The following CEP290 variants were observed in gnomAD, a reference collection of about 807,000 sequenced individuals.
The protein encoded by CEP290 is centrosomal protein 290.
In CEP290, 317 loss-of-function variants were observed where a neutral mutation model predicts 344.9. The ratio of observed to expected loss-of-function variants is 0.92; its 90% CI spans 0.84 to 1.01. The LOEUF (loss-of-function observed/expected upper bound fraction) is 1.01. Among genes scored for constraint, CEP290 ranks in the 50% least tolerant of loss-of-function variants. The pLI, the probability that CEP290 is intolerant of heterozygous loss-of-function variation, is 0.00. For synonymous variants in CEP290, 932 were observed against 895.8 expected (o/e 1.04, Z -0.72); for missense variants, 2,754 against 2,761.4 (o/e 1.00, Z 0.06).
Position 88,084,630 on chromosome 12 carries a change from C to A in CEP290, c.4660G>T (p.Glu1554Ter). ...NMQARLNQKE[E>*]VLKKYQRLLE... is the part of the protein sequence containing the mutation. ...AGACGTTGATACTTCTTTAATACTT[C>A]TTCTTTTTGATTTAACCTTGCTTGC... Residue 1554 changes from glutamate (E) to a stop codon, truncating the protein, a stop_gained, in exon 35 of 54, where the codon GAA becomes TAA. Transcript: ENST00000552810. LOFTEE classifies it high-confidence loss of function. The A allele has an allele frequency of 2.5e-6, 4 of 1,613,102 alleles. No homozygotes were observed. Among genetic ancestry groups the A allele is most frequent in the Non-Finnish European group, 3.4e-6 (4 of 1,179,214 alleles).
rs774079070 is a variant in CEP290 at position 88,121,062 on chromosome 12, C to T, written c.1294G>A (p.Ala432Thr). The change falls in exon 14 of 54, where the codon GCT becomes ACT. Residue 432 changes from alanine (A) to threonine (T), a missense_variant. Coordinates refer to ENST00000552810, the MANE Select transcript of CEP290 (RefSeq NM_025114.4). ...EAERTAELAE[A>T]DAREKDKELV... Reference sequence around the variant, plus strand: ...TCTTTATCCTTTTCCCTAGCATCAGCCTCAGCCAGTTCAGCTGTTCTCTCA... The same window carrying T: ...TCTTTATCCTTTTCCCTAGCATCAGTCTCAGCCAGTTCAGCTGTTCTCTCA... 2.5e-6 allele frequency: 4 copies of T among 1,613,588 alleles called. No homozygotes were observed. In the South Asian group the frequency reaches 3.3e-5, roughly 13 times the overall value.
intron 8 of CEP290, 60 bp from the exon 9 acceptor site, chr12:88,130,480 C>A (rs1462307525): frequency 4.4e-6 from 7 of 1,594,982 alleles, no homozygotes; most frequent in Non-Finnish European, 6.0e-6. Flanking sequence ...AAAATCATAT[C>A]CTCTAAATAG....
intron 6 of CEP290, among the ~76,000 whole-genome samples, chr12:88,133,163 C>T (rs755600534): frequency 3.3e-5 from 5 of 151,202 alleles, no homozygotes; most frequent in Non-Finnish European, 5.9e-5. Context: ...GCAACCTCTG[C>T]CTTCTGGGTT....
At chr12:88,127,258 C>A (rs952679910) in intron 11 of CEP290, among the ~76,000 whole-genome samples, 6 of 152,134 alleles carry the variant, frequency 3.9e-5, no homozygotes, top group African/African-American at 1.4e-4. Flanking sequence ...GAGGCCCAGG[C>A]AGGAGGATCA....
intron 43 of CEP290, among the ~76,000 whole-genome samples, chr12:88,068,885 A>G (rs561757164): frequency 6.6e-6 from 1 of 152,294 alleles, no homozygotes; most frequent in Non-Finnish European, 1.5e-5. Context: ...CAAAAAGTAT[A>G]TTTTGATTTA....
intron 18 of CEP290, 63 bp from the exon 19 acceptor site, chr12:88,115,245 T>C (rs541252941): frequency 3.4e-5 from 32 of 946,682 alleles, no homozygotes; most frequent in Middle Eastern, 2.3e-4. Context: ...TCTATAATTT[T>C]CAAGTTAAGA....
At chr12:88,090,462 T>A (rs750622568) in intron 30 of CEP290, among the ~76,000 whole-genome samples, 41 of 152,122 alleles carry the variant, frequency 2.7e-4, no homozygotes, top group Non-Finnish European at 5.3e-4. Context: ...TGAAACCCTG[T>A]CTCTACAAAA....
chr12:88,082,662 C>G (rs943351573), intron 37 of CEP290, among the ~76,000 whole-genome samples: 1 of 151,940 alleles, frequency 6.6e-6, no homozygotes, highest in Non-Finnish European at 1.5e-5. Flanking sequence ...TCACTGCACT[C>G]CAGCCTAGGA....
chr12:88,075,945 C>T (rs2035741022), intron 41 of CEP290, among the ~76,000 whole-genome samples: 1 of 152,008 alleles, frequency 6.6e-6, no homozygotes, highest in African/African-American at 2.4e-5. Flanking sequence ...AGTATTATTC[C>T]CACTTTAAGG....
chr12:88,083,326 A>G (rs898329567), intron 36 of CEP290, 96 bp from the exon 37 acceptor site: 62 of 642,258 alleles, frequency 9.7e-5, no homozygotes, highest in Non-Finnish European at 1.4e-4. Flanking sequence ...TCAAAATATA[A>G]TATCTAATCT....
chr12:88,062,555 T>A, intron 46 of CEP290, 137 bp downstream of exon 46: 1 of 604,288 alleles, frequency 1.7e-6, no homozygotes, highest in Admixed American at 3.0e-5. Flanking sequence ...CTGTTTTATA[T>A]TACAGATGCA....
At chr12:88,058,149 C>T (rs932578540) in intron 49 of CEP290, 1 of 152,184 alleles carries the variant, frequency 6.6e-6, no homozygotes, top group Admixed American at 6.5e-5. Context: ...AGCCTTTTAC[C>T]TACTCATCAC....
intron 41 of CEP290, among the ~76,000 whole-genome samples, chr12:88,074,696 G>T (rs946366453): frequency 1.3e-5 from 2 of 152,120 alleles, no homozygotes; most frequent in Non-Finnish European, 2.9e-5. Flanking sequence ...CTGCCTTTCT[G>T]ACTGTGGGTC....
Position 88,077,695 on chromosome 12 carries a change from AC to A in CEP290, c.5586+1del. 6.7e-7 allele frequency: 1 copy of A among 1,482,256 alleles called. No individual in the cohort carries two copies. 91.8% of individuals were successfully genotyped at this position (1,482,256 alleles called of 1,614,324 possible). On this transcript the variant is annotated splice_donor_variant, in intron 40 of 53. Coordinates refer to ENST00000552810, the MANE Select transcript of CEP290 (RefSeq NM_025114.4). LOFTEE classifies it high-confidence loss of function. ...CATTATCAGAGTTAAATATAAAATT[AC>A]CTGTAATCCACTGGTTAGTCTTTTA...
At chr12:88,052,458 T>C (rs2033633128) in intron 52 of CEP290, among the ~76,000 whole-genome samples, 1 of 152,126 alleles carries the variant, frequency 6.6e-6, no homozygotes. Context: ...TAAAGGCAAA[T>C]ATGCTAGAAA....
chr12:88,141,106 T>G (rs988239248), intron 2 of CEP290, 73 bp from the exon 3 acceptor site: 3 of 1,334,032 alleles, frequency 2.2e-6, no homozygotes, highest in Admixed American at 2.9e-5. Context: ...TTCCAGATTG[T>G]GACAATTATA....
Position 88,107,064 on chromosome 12 carries a change from T to A in CEP290, c.2518A>T (p.Ile840Leu), listed in dbSNP as rs1327835175. The A allele has an allele frequency of 9.0e-6, 14 of 1,553,512 alleles. No individual in the cohort carries two copies. The highest frequency in any genetic ancestry group is 3.6e-4 in the Middle Eastern group (2 of 5,570). The change falls in exon 24 of 54, where the codon ATA becomes TTA. Residue 840 changes from isoleucine to leucine, a missense_variant. Coordinates refer to ENST00000552810, the MANE Select transcript of CEP290 (RefSeq NM_025114.4). The stretch of plus-strand genomic sequence containing the variant: ...TCAAGTTTTCTCTTTTCCTCTTTTA[T>A]TGTTTTAGATTCTGTTTTCCAGGTC... The part of the protein sequence containing the change: ...KETWKTESKT[I>L]KEEKRKLEDQ...
At chr12:88,140,919 T>C (rs777131105) in intron 3 of CEP290, 37 bp downstream of exon 3, 15 of 1,395,316 alleles carry the variant, frequency 1.1e-5, no homozygotes, top group Non-Finnish European at 1.5e-5. Flanking sequence ...GTTCCACTAA[T>C]AGCCAAACCT....
At chr12:88,112,378 G>A (rs1307688220) in intron 20 of CEP290, among the ~76,000 whole-genome samples, 1 of 152,058 alleles carries the variant, frequency 6.6e-6, no homozygotes, top group Non-Finnish European at 1.5e-5. Context: ...TCAATTAAGT[G>A]AATTTTTCAG....
Sources: allele counts gnomAD v4.1 joint callset (sites outside exome capture counted in the v4.1 genomes callset), GRCh38; gene constraint gnomAD v4.1.1; transcripts MANE v1.5; gene names NCBI Gene and HGNC (gene_info 2026-07-23, HGNC 2026-07-21).